Variants in FAM76A observed in about 807,000 individuals in gnomAD.
The protein encoded by FAM76A is family with sequence similarity 76 member A.
Under a neutral mutation model 46.2 loss-of-function variants are expected in FAM76A, and 32 were observed. That is an observed-to-expected ratio of 0.69 (90% CI 0.52 to 0.93). The LOEUF (loss-of-function observed/expected upper bound fraction) is 0.93, where lower values mean the gene tolerates loss of function less well. Ranked by LOEUF, FAM76A falls within the 40% of genes least tolerant of loss-of-function variation. The pLI is 0.00. For missense variants in FAM76A, 274 were observed against 361.5 expected (o/e 0.76, Z 1.96); for synonymous variants, 137 against 127.0 (o/e 1.08, Z -0.53).
chr1:27,726,133 C>A lies in FAM76A; in HGVS notation c.53C>A (p.Ala18Glu). The A allele has an allele frequency of 7.6e-7, 1 of 1,312,104 alleles. No individual in the cohort carries two copies. The allele number at this position is 1,312,104 out of a possible 1,614,324, so 81.3% of individuals were successfully genotyped here. The change falls in exon 1 of 9, where the codon GCG becomes GAG. Residue 18 changes from alanine to glutamate, a missense_variant. Ala to Glu is a moderately radical substitution (Grantham distance 107). Transcript: ENST00000373954. Reference protein sequence around the residue: ...TKCHQRFPFEALSQGQQLCKE... With the variant: ...TKCHQRFPFEELSQGQQLCKE... ...TGCCACCAGCGCTTCCCCTTCGAGG[C>A]GCTGTCTCAGGGGCAGCAGCTGTGC...
chr1:27,749,146 T>C lies in FAM76A; in HGVS notation c.591T>C (p.Asn197=), dbSNP rs1313608601. ...KKSKFESITT[N]GDSFSPDLAL... ...CCAAGTTTGAGTCAATCACAACTAATGGAGACAGGTGAGCCAGTTGGAGTA... is the reference window on the plus strand; with the variant it reads ...CCAAGTTTGAGTCAATCACAACTAACGGAGACAGGTGAGCCAGTTGGAGTA... Residue 197 remains asparagine (N), a synonymous_variant, in exon 6 of 9, where the codon AAT becomes AAC. Coordinates refer to ENST00000373954, the MANE Select transcript of FAM76A (RefSeq NM_152660.3). 6.3e-6 allele frequency: 10 copies of C among 1,599,188 alleles called. No individual in the cohort carries two copies. In the African/African-American group the frequency reaches 6.7e-5, roughly 11 times the overall value.
chr1:27,759,779 G>GTTTTTTTTTTTTTT lies in FAM76A; in HGVS notation c.837+162_837+163insTTTTTTTTTTTTTT, dbSNP rs542481822. The stretch of plus-strand genomic sequence containing the variant: ...TCCCCCTTTTAGGTTTTTTTTTTTT[G>GTTTTTTTTTTTTTT]TTTTTTTTTTGAGACAGGTTCTCTG... On this transcript the variant is annotated intron_variant, in intron 8 of 8. Coordinates refer to ENST00000373954, the MANE Select transcript of FAM76A (RefSeq NM_152660.3). 677 of 363,218 alleles carry GTTTTTTTTTTTTTT rather than the reference G, an allele frequency of 1.9e-3. 11 individuals carry two copies. Among genetic ancestry groups the GTTTTTTTTTTTTTT allele is most frequent in the African/African-American group, 8.2e-3 (249 of 30,216 alleles). The allele number at this position is 363,218 out of a possible 1,614,324, so 22.5% of individuals were successfully genotyped here. A position where few individuals can be genotyped will look rare whatever the true frequency, so the allele number is the denominator to read the frequency against.
chr1:27,744,190 G>A (rs961896779), intron 4 of FAM76A, among the ~76,000 whole-genome samples: 3 of 152,122 alleles, frequency 2.0e-5, no homozygotes, highest in South Asian at 2.1e-4. Context: ...GTGCCATGGC[G>A]CGATCTCGGC....
At chr1:27,759,431 A>G in intron 7 of FAM76A, 95 bp from the exon 8 acceptor site, 1 of 726,908 alleles carries the variant, frequency 1.4e-6, no homozygotes, top group Non-Finnish European at 2.3e-6. Context: ...AGAGCCCTGG[A>G]TTTCATTAAT....
At chr1:27,747,658 T>C (rs2148580456) in intron 5 of FAM76A, among the ~76,000 whole-genome samples, 1 of 152,282 alleles carries the variant, frequency 6.6e-6, no homozygotes, top group Non-Finnish European at 1.5e-5. Flanking sequence ...GGCTCACACC[T>C]GTAATCCCAG....
intron 4 of FAM76A, among the ~76,000 whole-genome samples, chr1:27,740,987 G>A (rs2088141640): frequency 6.6e-6 from 1 of 151,924 alleles, no homozygotes; most frequent in African/African-American, 2.4e-5. Context: ...AGCCGGGCGT[G>A]GTGGTGCATG....
At position 27,762,341 on chromosome 1, in the gene FAM76A, A is replaced by G. The variant is rs1028848439; in HGVS notation, c.*1760A>G. 1.3e-5 allele frequency: 2 copies of G among 152,182 alleles called. No individual in the cohort carries two copies. The highest frequency in any genetic ancestry group is 4.8e-5 in the African/African-American group (2 of 41,440). The allele number at this position is 152,182 out of a possible 1,614,324, so 9.4% of individuals were successfully genotyped here. ...TGTGTGCCATGAAACAACAAAACCA[A>G]CTACCCTAGAATCATTTATGCAGGG... On this transcript the variant is annotated 3_prime_UTR_variant, in exon 9 of 9. Coordinates refer to ENST00000373954, the MANE Select transcript of FAM76A (RefSeq NM_152660.3).
chr1:27,757,117 T>C (rs1481005968), intron 7 of FAM76A, among the ~76,000 whole-genome samples: 2 of 151,422 alleles, frequency 1.3e-5, no homozygotes, highest in Non-Finnish European at 2.9e-5. Context: ...TAATAATAGC[T>C]AACTTTTATT....
At chr1:27,737,807 G>A (rs907356125) in intron 4 of FAM76A, among the ~76,000 whole-genome samples, 7 of 143,048 alleles carry the variant, frequency 4.9e-5, no homozygotes, top group Middle Eastern at 4.0e-3. Context: ...AGCTGAGATC[G>A]TGCCTCTGCA....
intron 5 of FAM76A, among the ~76,000 whole-genome samples, chr1:27,748,129 T>TTG (rs1442709504): frequency 1.9e-4 from 27 of 141,116 alleles, no homozygotes; most frequent in African/African-American, 7.4e-4. Context: ...AGTTTTTTTT[T>TTG]TTTTTTTTTT....
At chr1:27,760,132 A>G in intron 8 of FAM76A, 1 of 364,520 alleles carries the variant, frequency 2.7e-6, no homozygotes, top group Non-Finnish European at 5.4e-6. Context: ...CCTCAAAAAC[A>G]GTAGAATTAT....
At chr1:27,760,351 T>C (rs1180329082) in intron 8 of FAM76A, 144 bp from the exon 9 acceptor site, 1 of 584,918 alleles carries the variant, frequency 1.7e-6, no homozygotes, top group Non-Finnish European at 3.0e-6. Context: ...CCCTAGAGCT[T>C]CCTGTTGTTT....
chr1:27,732,151 T>G (rs970031881), intron 2 of FAM76A, among the ~76,000 whole-genome samples: 2 of 152,120 alleles, frequency 1.3e-5, no homozygotes, highest in African/African-American at 4.8e-5. Context: ...TATTAGAGGC[T>G]AGGTGTAGTG....
At position 27,744,637 on chromosome 1, in the gene FAM76A, G is replaced by C; in HGVS notation, c.355-17G>C. 1 of 1,612,732 alleles carries C rather than the reference G, an allele frequency of 6.2e-7. No individual in the cohort carries two copies. Among genetic ancestry groups the C allele is most frequent in the Middle Eastern group, 1.7e-4 (1 of 6,042 alleles). On this transcript the variant is annotated splice_polypyrimidine_tract_variant and intron_variant, in intron 4 of 8. Transcript: ENST00000373954. ...GCTAAATTCCCTCTTCTTTATCTTT[G>C]TCTCCTTGTCTTTCAGGTAGATGGG...
intron 5 of FAM76A, among the ~76,000 whole-genome samples, chr1:27,745,663 T>C (rs1332289640): frequency 6.6e-6 from 1 of 152,114 alleles, no homozygotes; most frequent in Admixed American, 6.6e-5. Context: ...GTGTCAAGAA[T>C]GCAGACATGA....
At position 27,761,415 on chromosome 1, in the gene FAM76A, AT is replaced by A. The variant is rs1296263297; in HGVS notation, c.*837del. 6.6e-6 allele frequency: 1 copy of A among 152,570 alleles called. No individual in the cohort carries two copies. The highest frequency in any genetic ancestry group is 1.5e-5 in the Non-Finnish European group (1 of 68,030). 9.5% of individuals were successfully genotyped at this position (152,570 alleles called of 1,614,324 possible). On this transcript the variant is annotated 3_prime_UTR_variant, in exon 9 of 9. Transcript: ENST00000373954. Reference sequence around the variant, plus strand: ...CTTTTGGAGGATTTCTTGGAAGAGCATTTATGGAGATACTTAAGGGAGGTAG... The same window carrying A: ...CTTTTGGAGGATTTCTTGGAAGAGCATTATGGAGATACTTAAGGGAGGTAG...
At position 27,754,479 on chromosome 1, in the gene FAM76A, C is replaced by T. The variant is rs538316148; in HGVS notation, c.600-716C>T. ...TCTGGCACTTTGACAAAATAGAGTG[C>T]TCTAATGCTGTTATTGGGAGGAATC... On this transcript the variant is annotated intron_variant, in intron 6 of 8. Transcript: ENST00000373954. Among the ~76,000 whole-genome samples, 111 of 152,274 alleles carry T rather than the reference C, an allele frequency of 7.3e-4. 1 individual carries two copies. The highest frequency in any genetic ancestry group is 8.5e-4 in the Non-Finnish European group (58 of 68,024).
rs550956639 is a variant in FAM76A, at chr1:27,725,981, C to A, written c.-100C>A. On this transcript the variant is annotated 5_prime_UTR_variant, in exon 1 of 9. Transcript: ENST00000373954. ...GACCCGCCTGCGCCCGCCCGCCTGC[C>A]GCAGCCAGCAGCCTGCAGCCGCCGC... The A allele has an allele frequency of 3.1e-6, 3 of 971,730 alleles. No individual in the cohort carries two copies. The highest frequency in any genetic ancestry group is 5.1e-5 in the South Asian group (1 of 19,566). 60.2% of individuals were successfully genotyped at this position (971,730 alleles called of 1,614,324 possible).
intron 5 of FAM76A, 39 bp downstream of exon 5, chr1:27,744,850 G>A: frequency 6.3e-7 from 1 of 1,592,828 alleles, no homozygotes; most frequent in South Asian, 1.1e-5. Flanking sequence ...AGAAGTGCTG[G>A]TAGGTCAGAT....
Sources: gnomAD v4.1 joint callset for allele counts (sites outside exome capture counted in the v4.1 genomes callset) on GRCh38, gnomAD v4.1.1 for gene constraint, MANE v1.5 for transcripts, NCBI Gene and HGNC (gene_info 2026-07-23, HGNC 2026-07-21) for gene names.